The following SRGAP2 variants were observed in gnomAD, a reference collection of about 807,000 sequenced individuals.
The protein encoded by SRGAP2 is SLIT-ROBO Rho GTPase-activating protein 2.
Under a neutral mutation model 57.2 loss-of-function variants are expected in SRGAP2, and 15 were observed. The observed-to-expected ratio is 0.26, with a 90% CI of 0.18 to 0.40. The LOEUF (loss-of-function observed/expected upper bound fraction) is 0.40. SRGAP2 is among the 10% of genes least tolerant of loss of function. The pLI is 1.00. For synonymous variants in SRGAP2, 249 were observed against 248.0 expected, an observed-to-expected ratio of 1.00 and a Z score of -0.04; for missense variants, 520 against 669.6, an observed-to-expected ratio of 0.78 and a Z score of 2.47.
At chr1:206,360,676 C>A (rs1283289060) in intron 4 of SRGAP2, among the ~76,000 whole-genome samples, 53 of 152,172 alleles carry the variant, frequency 3.5e-4, no homozygotes, top group Admixed American at 3.9e-4. Context: ...TCGAAGATGA[C>A]CCCAAGCATT....
chr1:206,412,556 A>G (rs1553359990), intron 10 of SRGAP2, among the ~76,000 whole-genome samples: 1 of 152,244 alleles, frequency 6.6e-6, no homozygotes, highest in African/African-American at 2.4e-5. Context: ...TAATATTGGA[A>G]CATGCCCTAA....
At chr1:206,417,071 A>AT (rs1345497602) in intron 11 of SRGAP2, among the ~76,000 whole-genome samples, 1 of 135,848 alleles carries the variant, frequency 7.4e-6, no homozygotes, top group East Asian at 2.1e-4. Flanking sequence ...CAGATGATTA[A>AT]TTTTTTTCTC....
intron 2 of SRGAP2, among the ~76,000 whole-genome samples, chr1:206,277,079 G>A (rs1333924943): frequency 7.8e-4 from 119 of 151,734 alleles, no homozygotes; most frequent in East Asian, 5.8e-4. Flanking sequence ...ATTCTCCTGC[G>A]TCAGCCTCCC....
In SRGAP2 at chr1:206,337,179, T is replaced by G. The variant is rs1445206929; in HGVS notation, c.261-5667T>G. Among the ~76,000 whole-genome samples the G allele has an allele frequency of 2.0e-5, 3 of 148,916 alleles. No individual in the cohort carries two copies. The East Asian group carries it at 5.8e-4, about 29-fold the overall frequency. On this transcript the variant is annotated intron_variant, in intron 3 of 22. Transcript: ENST00000573034. Reference sequence around the variant, plus strand: ...CCCTTTGGATTCCTTTCTGTCAACCTCAGCACACAGTTCCCAGTGTGGAAT... The same window carrying G: ...CCCTTTGGATTCCTTTCTGTCAACCGCAGCACACAGTTCCCAGTGTGGAAT...
At chr1:206,301,863 C>T (rs1380571047) in intron 2 of SRGAP2, among the ~76,000 whole-genome samples, 1 of 151,688 alleles carries the variant, frequency 6.6e-6, no homozygotes, top group Non-Finnish European at 1.5e-5. Context: ...TGTGGAGCCT[C>T]GACTACTTTA....
intron 13 of SRGAP2, among the ~76,000 whole-genome samples, chr1:206,426,958 T>G (rs1225438870): frequency 6.6e-6 from 1 of 152,202 alleles, no homozygotes; most frequent in Admixed American, 6.5e-5. Flanking sequence ...CTGCAAAAGC[T>G]TTGTAGCTTG....
chr1:206,441,010 G>C (rs1247404660), intron 17 of SRGAP2, among the ~76,000 whole-genome samples: 2 of 152,150 alleles, frequency 1.3e-5, no homozygotes, highest in African/African-American at 4.8e-5. Context: ...GGTGAGGAGG[G>C]GTCAGGTTTG....
rs115740681 is a variant in SRGAP2, at chr1:206,445,473, C to T, written c.1875-602C>T. 9.1e-3 allele frequency among the ~76,000 whole-genome samples: 1,393 copies of T among 152,266 alleles called. 21 individuals carry two copies. The highest frequency in any genetic ancestry group is 0.032 in the African/African-American group (1,331 of 41,548). Reference sequence around the variant, plus strand: ...ATAATCTAGAAGGAGATTATGAACACGAAAAACAATTGCATTTGCTGTTCT... The same window carrying T: ...ATAATCTAGAAGGAGATTATGAACATGAAAAACAATTGCATTTGCTGTTCT... On this transcript the variant is annotated intron_variant, in intron 17 of 22. Transcript: ENST00000573034.
chr1:206,252,257 T>C (rs1312200077), intron 2 of SRGAP2, among the ~76,000 whole-genome samples: 1 of 149,296 alleles, frequency 6.7e-6, no homozygotes, highest in Non-Finnish European at 1.5e-5. Flanking sequence ...TGCTTTTTTC[T>C]TTCTCTCTGT....
In SRGAP2 at chr1:206,312,204, C is replaced by T. The variant is rs554193113; in HGVS notation, c.260+8731C>T. ...GCTGCCAGCAGCAACTCTGAACAGA[C>T]CCATCTCAGGGACGTGGAAACTATT... On this transcript the variant is annotated intron_variant, in intron 3 of 22. Coordinates refer to ENST00000573034, the MANE Select transcript of SRGAP2 (RefSeq NM_015326.5). The T allele has an allele frequency of 2.0e-5, 3 of 150,072 alleles. No individual in the cohort carries two copies. The East Asian group carries it at 6.1e-4, about 31-fold the overall frequency. 9.3% of individuals were successfully genotyped at this position (150,072 alleles called of 1,614,324 possible).
At chr1:206,417,543 G>C (rs1346651792) in intron 11 of SRGAP2, among the ~76,000 whole-genome samples, 1 of 149,440 alleles carries the variant, frequency 6.7e-6, no homozygotes, top group Non-Finnish European at 1.5e-5. Context: ...TCAGCCTCCT[G>C]AATAGCTGGG....
At chr1:206,369,055 T>C (rs1190562784) in intron 4 of SRGAP2, among the ~76,000 whole-genome samples, 1 of 152,218 alleles carries the variant, frequency 6.6e-6, no homozygotes, top group Non-Finnish European at 1.5e-5. Context: ...TTTTTCATCA[T>C]GATGTTTGGC....
chr1:206,435,566 C>T (rs1339985328), intron 14 of SRGAP2, among the ~76,000 whole-genome samples: 1 of 152,208 alleles, frequency 6.6e-6, no homozygotes, highest in Non-Finnish European at 1.5e-5. Flanking sequence ...AAAGCCATGT[C>T]CATGCTCAGA....
intron 17 of SRGAP2, among the ~76,000 whole-genome samples, 189 bp from the exon 18 acceptor site, chr1:206,445,886 C>T (rs1267027575): frequency 2.0e-5 from 3 of 152,214 alleles, no homozygotes; most frequent in Non-Finnish European, 4.4e-5. Flanking sequence ...ATTTCCTGAG[C>T]TCCTGAATGA....
chr1:206,375,636 T>C (rs1307101886), intron 4 of SRGAP2, among the ~76,000 whole-genome samples: 7 of 152,186 alleles, frequency 4.6e-5, no homozygotes, highest in Non-Finnish European at 8.8e-5. Context: ...CAGATTATTA[T>C]AGGACTGTGT....
At chr1:206,447,862 C>T (rs1295999135) in intron 18 of SRGAP2, among the ~76,000 whole-genome samples, 1 of 152,220 alleles carries the variant, frequency 6.6e-6, no homozygotes, top group African/African-American at 2.4e-5. Flanking sequence ...GGGTGTGGCT[C>T]ACGGGGACAG....
At chr1:206,438,885 C>T (rs1366325808) in intron 16 of SRGAP2, among the ~76,000 whole-genome samples, 30 of 152,198 alleles carry the variant, frequency 2.0e-4, no homozygotes, top group Admixed American at 2.0e-3. Context: ...CACTCAGTAT[C>T]TGCCCTGAGT....
chr1:206,340,990 G>A (rs1451287830), intron 3 of SRGAP2, among the ~76,000 whole-genome samples: 1 of 152,192 alleles, frequency 6.6e-6, no homozygotes, highest in Admixed American at 6.5e-5. Context: ...CCTGGGGCAG[G>A]GGGTGAGTGG....
intron 3 of SRGAP2, among the ~76,000 whole-genome samples, chr1:206,313,646 A>G (rs1672836693): frequency 6.6e-6 from 1 of 152,268 alleles, no homozygotes. Flanking sequence ...ATTTGGCTCT[A>G]TGCAATAGAC....
Sources: gnomAD v4.1 joint callset for allele counts (sites outside exome capture counted in the v4.1 genomes callset) on GRCh38, gnomAD v4.1.1 for gene constraint, MANE v1.5 for transcripts, NCBI Gene and HGNC (gene_info 2026-07-23, HGNC 2026-07-21) for gene names.